PLAAT3: variants seen among roughly 807,000 people sequenced by gnomAD.
PLAAT3 encodes the protein phospholipase A and acyltransferase 3, also known as Ca-independent phospholipase A1/2.
Under a neutral mutation model 16.7 loss-of-function variants are expected in PLAAT3, and 21 were observed. The ratio of observed to expected loss-of-function variants is 1.26; its 90% CI spans 0.89 to 1.81. The LOEUF (loss-of-function observed/expected upper bound fraction) is 1.81. PLAAT3 is among the 40% of genes most tolerant of loss of function. PLAAT3 has a pLI of 0.00. For missense variants in PLAAT3, 219 were observed against 213.7 expected (o/e 1.02, Z -0.16); for synonymous variants, 76 against 81.7 (o/e 0.93, Z 0.38).
At chr11:63,584,523 T>C (rs1027715482) in intron 4 of PLAAT3, among the ~76,000 whole-genome samples, 3 of 150,616 alleles carry the variant, frequency 2.0e-5, no homozygotes, top group Non-Finnish European at 4.4e-5. Flanking sequence ...TTTTTGTTTT[T>C]TTTTTTTTGA....
rs1232352475 is a variant in PLAAT3, at chr11:63,601,516, C to G, written c.16-3353G>C. On this transcript the variant is annotated intron_variant, in intron 2 of 4. Coordinates refer to ENST00000415826, the MANE Select transcript of PLAAT3 (RefSeq NM_001128203.2). ...CAACACATAATCTCACTCAAGACAA[C>G]TTCTTTTTGAAAATGAAGTAAAAGA... Among the ~76,000 whole-genome samples the G allele has an allele frequency of 2.0e-5, 3 of 151,972 alleles. No individual in the cohort carries two copies. The East Asian group carries it at 5.8e-4, about 29-fold the overall frequency.
At chr11:63,608,797 G>A (rs998770048) in intron 2 of PLAAT3, among the ~76,000 whole-genome samples, 7 of 152,114 alleles carry the variant, frequency 4.6e-5, no homozygotes, top group Non-Finnish European at 8.8e-5. Flanking sequence ...ACAGCATAGC[G>A]ATTACACACT....
At chr11:63,601,044 CA>C (rs139786149) in intron 2 of PLAAT3, among the ~76,000 whole-genome samples, 1 of 123,938 alleles carries the variant, frequency 8.1e-6, no homozygotes, top group African/African-American at 2.8e-5. Context: ...AAAAATTAAA[CA>C]AAAAAAAAAA....
chr11:63,615,200 ATATG>A (rs1169135691), upstream of PLAAT3, among the ~76,000 whole-genome samples: 9 of 112,192 alleles, frequency 8.0e-5, no homozygotes, highest in Admixed American at 2.7e-4. Flanking sequence ...ATGTGTGTAT[ATATG>A]TGTGTATATA....
intron 2 of PLAAT3, among the ~76,000 whole-genome samples, chr11:63,607,538 G>A (rs1590700296): frequency 6.6e-6 from 1 of 151,788 alleles, no homozygotes; most frequent in Non-Finnish European, 1.5e-5. Context: ...AAAAGAGAGA[G>A]AATGGGAGAA....
chr11:63,585,651 T>G (rs1937953217), intron 4 of PLAAT3, among the ~76,000 whole-genome samples: 1 of 152,110 alleles, frequency 6.6e-6, no homozygotes, highest in African/African-American at 2.4e-5. Context: ...CACCTCTGTT[T>G]TTGTTGTAGA....
chr11:63,612,307 C>T (rs544946775), intron 2 of PLAAT3, among the ~76,000 whole-genome samples: 1 of 152,032 alleles, frequency 6.6e-6, no homozygotes, highest in African/African-American at 2.4e-5. Context: ...TCACTGCACC[C>T]AGCCTGTCTT....
At chr11:63,615,096 A>ATGTGTGTATATATGTGTATATATG (rs1200287076), upstream of PLAAT3, among the ~76,000 whole-genome samples, 2 of 119,310 alleles carry the variant, frequency 1.7e-5, 1 homozygote, top group Admixed American at 1.8e-4. Flanking sequence ...ATGTGTATAT[A>ATGTGTGTATATATGTGTATATATG]TGTGTATATA....
intron 4 of PLAAT3, among the ~76,000 whole-genome samples, chr11:63,585,957 C>T (rs1937960894): frequency 6.6e-6 from 1 of 152,126 alleles, no homozygotes; most frequent in Non-Finnish European, 1.5e-5. Context: ...TGGCTCACAT[C>T]TATAATTCCA....
At chr11:63,598,250 T>A in intron 2 of PLAAT3, 87 bp from the exon 3 acceptor site, 1 of 845,706 alleles carries the variant, frequency 1.2e-6, no homozygotes, top group Non-Finnish European at 2.0e-6. Flanking sequence ...AGCTGAGTGG[T>A]CCCCAGCTAT....
intron 3 of PLAAT3, among the ~76,000 whole-genome samples, chr11:63,596,326 C>G (rs1028821254): frequency 5.3e-5 from 8 of 151,272 alleles, no homozygotes; most frequent in African/African-American, 1.9e-4. Context: ...GAGCTTCGTC[C>G]TCAGATGCCA....
At chr11:63,615,592 A>G (rs528669351), upstream of PLAAT3, among the ~76,000 whole-genome samples, 1 of 152,164 alleles carries the variant, frequency 6.6e-6, no homozygotes, top group South Asian at 2.1e-4. Flanking sequence ...CCTTATCCTC[A>G]AAGAGGAGAT....
chr11:63,600,079 T>C (rs1456759514), intron 2 of PLAAT3, among the ~76,000 whole-genome samples: 1 of 151,926 alleles, frequency 6.6e-6, no homozygotes, highest in African/African-American at 2.4e-5. Flanking sequence ...CTCCCCAGGC[T>C]CAGGTCATCT....
chr11:63,611,685 C>T (rs1371933467), intron 2 of PLAAT3, among the ~76,000 whole-genome samples: 1 of 152,180 alleles, frequency 6.6e-6, no homozygotes, highest in Non-Finnish European at 1.5e-5. Context: ...GCCTGTCTCC[C>T]AGTGCCAAAA....
chr11:63,578,842 C>T (rs977939774), intron 4 of PLAAT3, among the ~76,000 whole-genome samples: 1 of 151,148 alleles, frequency 6.6e-6, no homozygotes, highest in African/African-American at 2.4e-5. Context: ...ACACCAAAAG[C>T]AATGGCAACG....
intron 4 of PLAAT3, among the ~76,000 whole-genome samples, chr11:63,580,665 C>T (rs1445813905): frequency 6.6e-6 from 1 of 151,300 alleles, no homozygotes; most frequent in African/African-American, 2.4e-5. Context: ...AAAACAAAAA[C>T]AAAAAAAAGA....
chr11:63,613,902 C>T, intron 2 of PLAAT3, 98 bp downstream of exon 2: 1 of 765,360 alleles, frequency 1.3e-6, no homozygotes, highest in Admixed American at 2.1e-5. Flanking sequence ...ATCCTCGAGG[C>T]TCCTCTCTCG....
chr11:63,603,739 C>G (rs1938489603), intron 2 of PLAAT3, among the ~76,000 whole-genome samples: 1 of 142,276 alleles, frequency 7.0e-6, no homozygotes, highest in African/African-American at 2.8e-5. Context: ...CACACACACA[C>G]ACACACACAC....
At chr11:63,587,798 A>C (rs1232103970) in intron 4 of PLAAT3, among the ~76,000 whole-genome samples, 1 of 152,176 alleles carries the variant, frequency 6.6e-6, no homozygotes, top group Non-Finnish European at 1.5e-5. Context: ...ATAAACCAAA[A>C]AAGAGAAGGA....
Sources: gnomAD v4.1 joint callset for allele counts (sites outside exome capture counted in the v4.1 genomes callset) on GRCh38, gnomAD v4.1.1 for gene constraint, MANE v1.5 for transcripts, NCBI Gene and HGNC (gene_info 2026-07-23, HGNC 2026-07-21) for gene names.